Variants in RAP1GDS1 observed in about 807,000 individuals in gnomAD.
RAP1GDS1 encodes Rap1 GTPase-GDP dissociation stimulator 1, also known as RAP1, GTP-GDP dissociation stimulator 1.
A neutral mutation model predicts 71.1 loss-of-function variants in RAP1GDS1; 35 were observed. The ratio of observed to expected loss-of-function variants is 0.49; its 90% confidence interval spans 0.38 to 0.65. The LOEUF (loss-of-function observed/expected upper bound fraction) is 0.65, where lower values mean the gene tolerates loss of function less well. Ranked by LOEUF, RAP1GDS1 falls within the 30% of genes least tolerant of loss-of-function variation. The pLI, the probability that RAP1GDS1 is intolerant of heterozygous loss-of-function variation, is 0.00. For synonymous variants in RAP1GDS1, 229 were observed against 243.1 expected (o/e 0.94, Z 0.54); for missense variants, 663 against 706.1 (o/e 0.94, Z 0.69).
chr4:98,294,955 C>T (rs1727516158), intron 2 of RAP1GDS1, among the ~76,000 whole-genome samples: 1 of 151,810 alleles, frequency 6.6e-6, no homozygotes, highest in African/African-American at 2.4e-5. Flanking sequence ...CACTTTTTTT[C>T]TCTGTTAGAC....
intron 9 of RAP1GDS1, among the ~76,000 whole-genome samples, chr4:98,418,300 A>G (rs1046887622): frequency 2.6e-5 from 4 of 152,222 alleles, no homozygotes; most frequent in African/African-American, 9.6e-5. Flanking sequence ...CCATGATAGC[A>G]AAAGGTAGAG....
chr4:98,365,965 G>A lies in RAP1GDS1; in HGVS notation c.362-13052G>A, dbSNP rs555858280. 3.3e-5 allele frequency among the ~76,000 whole-genome samples: 5 copies of A among 152,326 alleles called. No homozygotes were observed. In the South Asian group the frequency reaches 8.3e-4, roughly 25 times the overall value. ...GAAACCTTAACGTAAACAGTAAGAAGCAAGTAATAGGACAGAAACAAACAG... is the reference window on the plus strand; with the variant it reads ...GAAACCTTAACGTAAACAGTAAGAAACAAGTAATAGGACAGAAACAAACAG... On this transcript the variant is annotated intron_variant, in intron 4 of 14. Coordinates refer to ENST00000408927, the MANE Select transcript of RAP1GDS1 (RefSeq NM_001100427.2).
chr4:98,370,568 C>CTTT (rs199686711), intron 4 of RAP1GDS1, among the ~76,000 whole-genome samples: 1 of 141,586 alleles, frequency 7.1e-6, no homozygotes, highest in Non-Finnish European at 1.5e-5. Context: ...TGCATTAAAG[C>CTTT]TTTTTTTTTT....
At chr4:98,346,132 T>G (rs545328607) in intron 3 of RAP1GDS1, among the ~76,000 whole-genome samples, 2 of 152,254 alleles carry the variant, frequency 1.3e-5, no homozygotes, top group Non-Finnish European at 2.9e-5. Context: ...TGCTGATGAG[T>G]ATAAAGCTTG....
intron 4 of RAP1GDS1, among the ~76,000 whole-genome samples, chr4:98,376,213 A>T (rs1741161793): frequency 6.6e-6 from 1 of 152,094 alleles, no homozygotes; most frequent in African/African-American, 2.4e-5. Context: ...AGGAAAATTG[A>T]GATGTAAATT....
intron 5 of RAP1GDS1, among the ~76,000 whole-genome samples, chr4:98,385,810 T>C (rs1255866934): frequency 1.3e-5 from 2 of 152,004 alleles, no homozygotes; most frequent in Non-Finnish European, 2.9e-5. Context: ...AGAAAAGTTT[T>C]TTTTAAGCTA....
At chr4:98,317,773 C>T (rs534277921) in intron 2 of RAP1GDS1, among the ~76,000 whole-genome samples, 12 of 151,428 alleles carry the variant, frequency 7.9e-5, no homozygotes, top group South Asian at 2.1e-4. Context: ...TGTTAACAGA[C>T]GCGATGCTCT....
intron 2 of RAP1GDS1, among the ~76,000 whole-genome samples, chr4:98,304,795 T>C (rs1478512990): frequency 6.6e-6 from 1 of 152,206 alleles, no homozygotes; most frequent in African/African-American, 2.4e-5. Context: ...TGATGTTGCG[T>C]AGATTTTCTT....
chr4:98,428,054 A>G (rs1350474023), intron 12 of RAP1GDS1, among the ~76,000 whole-genome samples: 1 of 152,084 alleles, frequency 6.6e-6, no homozygotes, highest in African/African-American at 2.4e-5. Flanking sequence ...AATAACCCCA[A>G]ATACTTACAG....
intron 9 of RAP1GDS1, 102 bp from the exon 10 acceptor site, chr4:98,418,555 A>G (rs1015065627): frequency 1.6e-5 from 17 of 1,050,098 alleles, no homozygotes; most frequent in Non-Finnish European, 2.2e-5. Flanking sequence ...TTTATTGTAT[A>G]GCTCCATTTT....
chr4:98,303,696 T>G, intron 2 of RAP1GDS1, among the ~76,000 whole-genome samples: 1 of 150,522 alleles, frequency 6.6e-6, no homozygotes, highest in East Asian at 1.9e-4. Context: ...AAGAGAACTT[T>G]TTAAAAAAAA....
chr4:98,305,295 A>G (rs1449020771), intron 2 of RAP1GDS1, among the ~76,000 whole-genome samples: 4 of 152,068 alleles, frequency 2.6e-5, no homozygotes, highest in Non-Finnish European at 4.4e-5. Context: ...GATTCTTCCT[A>G]TCCATGAGCA....
At chr4:98,409,295 G>C (rs1746647996) in intron 7 of RAP1GDS1, 2 of 152,332 alleles carry the variant, frequency 1.3e-5, no homozygotes, top group Non-Finnish European at 2.9e-5. Flanking sequence ...ACAAAATAAT[G>C]AACACAAAGG....
At chr4:98,272,655 A>G (rs1485267384) in intron 1 of RAP1GDS1, among the ~76,000 whole-genome samples, 1 of 152,134 alleles carries the variant, frequency 6.6e-6, no homozygotes, top group Non-Finnish European at 1.5e-5. Flanking sequence ...GGGATTCAGA[A>G]AGCTGTAGTG....
At chr4:98,310,730 A>T (rs556595216) in intron 2 of RAP1GDS1, among the ~76,000 whole-genome samples, 1 of 152,280 alleles carries the variant, frequency 6.6e-6, no homozygotes, top group African/African-American at 2.4e-5. Context: ...TCTAGTAGCC[A>T]CCAAGCCACA....
intron 4 of RAP1GDS1, among the ~76,000 whole-genome samples, chr4:98,367,746 G>C (rs1256962779): frequency 6.6e-6 from 1 of 152,240 alleles, no homozygotes; most frequent in Non-Finnish European, 1.5e-5. Context: ...CTTGCATGCA[G>C]CCTGTAGCTC....
chr4:98,338,957 C>T (rs923266306), intron 2 of RAP1GDS1, among the ~76,000 whole-genome samples: 1 of 152,292 alleles, frequency 6.6e-6, no homozygotes, highest in South Asian at 2.1e-4. Flanking sequence ...TTGTTTGGAA[C>T]TTGAGCCTTT....
chr4:98,326,890 A>G (rs1174591827), intron 2 of RAP1GDS1, among the ~76,000 whole-genome samples: 2 of 152,222 alleles, frequency 1.3e-5, no homozygotes, highest in African/African-American at 4.8e-5. Flanking sequence ...TGTGCCTGTA[A>G]GAGCTAGAAT....
At chr4:98,395,906 A>C (rs1744467173) in intron 6 of RAP1GDS1, 1 of 152,368 alleles carries the variant, frequency 6.6e-6, no homozygotes. Context: ...GTAATTTATA[A>C]AGAAAAGAGG....
Sources: gnomAD v4.1 joint callset for allele counts (sites outside exome capture counted in the v4.1 genomes callset) on GRCh38, gnomAD v4.1.1 for gene constraint, MANE v1.5 for transcripts, NCBI Gene and HGNC (gene_info 2026-07-23, HGNC 2026-07-21) for gene names.